GRID2: variants seen among roughly 807,000 people sequenced by gnomAD.
GRID2 encodes the protein glutamate receptor ionotropic, delta-2.
GRID2 carries 33 observed loss-of-function variants against 114.8 expected under a neutral mutation model. The observed-to-expected ratio is 0.29, with a 90% CI of 0.22 to 0.38. GRID2 has a LOEUF of 0.38. GRID2 is among the 10% of genes least tolerant of loss of function. The pLI is 1.00. For synonymous variants in GRID2, 505 were observed against 449.9 expected, an observed-to-expected ratio of 1.12 and a Z score of -1.55; for missense variants, 1,184 against 1,257.7, an observed-to-expected ratio of 0.94 and a Z score of 0.89.
chr4:93,036,288 A>G (rs1724924902), intron 2 of GRID2, among the ~76,000 whole-genome samples: 3 of 151,900 alleles, frequency 2.0e-5, no homozygotes, highest in Admixed American at 1.3e-4. Flanking sequence ...CAGCACAGCA[A>G]CTCTCCAACT....
At chr4:93,392,973 A>C (rs184796213) in intron 8 of GRID2, among the ~76,000 whole-genome samples, 4 of 152,154 alleles carry the variant, frequency 2.6e-5, no homozygotes, top group South Asian at 4.1e-4. Flanking sequence ...CATGTATAAA[A>C]AGCTCAGTAC....
At chr4:93,727,904 C>T (rs542729693) in intron 14 of GRID2, among the ~76,000 whole-genome samples, 1 of 152,146 alleles carries the variant, frequency 6.6e-6, no homozygotes, top group Non-Finnish European at 1.5e-5. Flanking sequence ...TGCTAGCAGT[C>T]TATCAATTTT....
chr4:92,773,673 A>G (rs1481532055), intron 2 of GRID2, among the ~76,000 whole-genome samples: 2 of 152,176 alleles, frequency 1.3e-5, no homozygotes, highest in South Asian at 2.1e-4. Context: ...ATACAGTTTA[A>G]TGAAAAAGGT....
chr4:92,666,779 A>G (rs1169415691), intron 2 of GRID2, among the ~76,000 whole-genome samples: 1 of 150,550 alleles, frequency 6.6e-6, no homozygotes, highest in East Asian at 2.0e-4. Context: ...CTGGTTCACA[A>G]AAATGAGAAA....
intron 12 of GRID2, among the ~76,000 whole-genome samples, chr4:93,509,879 G>A (rs544020776): frequency 5.9e-5 from 9 of 152,186 alleles, no homozygotes; most frequent in East Asian, 3.9e-4. Context: ...ACTTGTCACC[G>A]CACTTCATAG....
intron 2 of GRID2, among the ~76,000 whole-genome samples, chr4:92,915,245 T>C (rs924539237): frequency 6.6e-6 from 1 of 152,146 alleles, no homozygotes; most frequent in Non-Finnish European, 1.5e-5. Context: ...CACATGGGGA[T>C]TATGTCCTAT....
chr4:93,096,429 CATAG>C (rs1384983631), intron 3 of GRID2, among the ~76,000 whole-genome samples: 1 of 151,896 alleles, frequency 6.6e-6, no homozygotes, highest in Non-Finnish European at 1.5e-5. Context: ...AATTCTAAAA[CATAG>C]ATCCGAAAAA....
chr4:93,497,414 G>A (rs1173802615), intron 12 of GRID2, among the ~76,000 whole-genome samples: 1 of 151,626 alleles, frequency 6.6e-6, no homozygotes, highest in Non-Finnish European at 1.5e-5. Context: ...TGTGCTTTTG[G>A]TTTCATGTCT....
intron 1 of GRID2, among the ~76,000 whole-genome samples, chr4:92,364,481 A>G (rs1728757515): frequency 6.6e-6 from 1 of 152,134 alleles, no homozygotes; most frequent in Non-Finnish European, 1.5e-5. Flanking sequence ...CCAATACAGA[A>G]TAGTATTATT....
intron 2 of GRID2, among the ~76,000 whole-genome samples, chr4:92,600,936 C>G (rs189738435): frequency 1.6e-3 from 250 of 152,290 alleles, no homozygotes; most frequent in African/African-American, 5.7e-3. Context: ...GTGCTGGGGG[C>G]ACTCCCATAC....
intron 2 of GRID2, among the ~76,000 whole-genome samples, chr4:93,031,236 G>A (rs530459868): frequency 6.6e-6 from 1 of 151,964 alleles, no homozygotes; most frequent in East Asian, 1.9e-4. Context: ...AGTAGAGACT[G>A]GGTTTCACCA....
intron 8 of GRID2, among the ~76,000 whole-genome samples, chr4:93,344,875 T>C (rs1255809962): frequency 6.6e-6 from 1 of 151,868 alleles, no homozygotes; most frequent in East Asian, 1.9e-4. Flanking sequence ...TCATGTAGTA[T>C]TTGTCTTTCT....
chr4:93,080,610 G>A (rs2149317077), intron 2 of GRID2, among the ~76,000 whole-genome samples: 1 of 152,232 alleles, frequency 6.6e-6, no homozygotes, highest in East Asian at 1.9e-4. Context: ...TTTTGATTGT[G>A]ATGCAGGGCA....
chr4:93,340,108 C>G (rs1332918272), intron 8 of GRID2, among the ~76,000 whole-genome samples: 2 of 152,138 alleles, frequency 1.3e-5, no homozygotes, highest in Non-Finnish European at 2.9e-5. Flanking sequence ...AAAGGTGTGT[C>G]TAACTGCAAT....
intron 8 of GRID2, among the ~76,000 whole-genome samples, chr4:93,244,208 T>G (rs932106432): frequency 2.6e-5 from 4 of 151,998 alleles, no homozygotes; most frequent in African/African-American, 9.7e-5. Context: ...TCTTTGAACT[T>G]TATCACAAAC....
chr4:92,668,610 A>C (rs966022330), intron 2 of GRID2, among the ~76,000 whole-genome samples: 1 of 151,856 alleles, frequency 6.6e-6, no homozygotes, highest in Non-Finnish European at 1.5e-5. Context: ...TCCTGCTTCT[A>C]TCACAAAACA....
intron 13 of GRID2, among the ~76,000 whole-genome samples, chr4:93,528,576 T>C (rs1731150261): frequency 6.6e-6 from 1 of 152,140 alleles, no homozygotes; most frequent in African/African-American, 2.4e-5. Context: ...ACTATCTTCT[T>C]CACATTATGC....
intron 2 of GRID2, among the ~76,000 whole-genome samples, chr4:92,690,613 C>A (rs1734139250): frequency 6.6e-6 from 1 of 151,796 alleles, no homozygotes; most frequent in African/African-American, 2.4e-5. Flanking sequence ...ATTTAGTTTG[C>A]AAAAAACAAT....
chr4:93,063,494 G>T (rs971792294), intron 2 of GRID2, among the ~76,000 whole-genome samples: 2 of 151,798 alleles, frequency 1.3e-5, no homozygotes, highest in East Asian at 3.8e-4. Flanking sequence ...CACTTACACA[G>T]CCTATACATG....
Sources: allele counts gnomAD v4.1 joint callset (sites outside exome capture counted in the v4.1 genomes callset), GRCh38; gene constraint gnomAD v4.1.1; transcripts MANE v1.5; gene names NCBI Gene and HGNC (gene_info 2026-07-23, HGNC 2026-07-21).